The following PCDHGA9 variants were observed in gnomAD, a reference collection of about 807,000 sequenced individuals.
PCDHGA9 encodes protocadherin gamma-A9.
Under a neutral mutation model 62.5 loss-of-function variants are expected in PCDHGA9, and 37 were observed. The observed-to-expected ratio is 0.59, with a 90% CI of 0.46 to 0.78. The LOEUF is 0.78. PCDHGA9 is among the 30% of genes least tolerant of loss of function. The probability of loss-of-function intolerance (pLI) is 0.00; values close to 1 mark genes in which losing one functional copy is unlikely to be tolerated. For synonymous variants in PCDHGA9, 459 were observed against 484.6 expected (o/e 0.95, Z 0.69); for missense variants, 1,138 against 1,166.2 (o/e 0.98, Z 0.35).
At chr5:141,495,960 C>G (rs1380397345) in intron 2 of PCDHGA9, among the ~76,000 whole-genome samples, 2 of 151,998 alleles carry the variant, frequency 1.3e-5, no homozygotes, top group East Asian at 3.9e-4. Context: ...CTTTTTCTGC[C>G]TCTTTCTCTG....
chr5:141,411,538 C>G (rs1418802121), intron 1 of PCDHGA9: 1 of 152,268 alleles, frequency 6.6e-6, no homozygotes, highest in Non-Finnish European at 1.5e-5. Context: ...GAGCCCTGAT[C>G]TTGCCACTGC....
Position 141,432,880 on chromosome 5 carries a change from C to T in PCDHGA9, c.2424+27504C>T, listed in dbSNP as rs865848752. ...CGGTCTCCTGCGTCTTCCTGGCCTT[C>T]GTCATCTTGCTGCTGGCGCTCAGGC... On this transcript the variant is annotated intron_variant, in intron 1 of 3. Transcript: ENST00000573521. The surrounding 1 kb of genome is among the most constrained non-coding windows in gnomAD (Gnocchi z 6.0). 1 of 1,614,194 alleles carries T rather than the reference C, an allele frequency of 6.2e-7. No individual in the cohort carries two copies. Among genetic ancestry groups the T allele is most frequent in the Non-Finnish European group, 8.5e-7 (1 of 1,180,008 alleles).
intron 1 of PCDHGA9, chr5:141,440,995 C>G (rs1425894086): frequency 6.6e-6 from 1 of 152,154 alleles, no homozygotes; most frequent in Non-Finnish European, 1.5e-5. Context: ...GTACCCATAT[C>G]TAGTTTGGCC....
intron 1 of PCDHGA9, among the ~76,000 whole-genome samples, chr5:141,469,684 T>C (rs1471928749): frequency 6.6e-6 from 1 of 152,256 alleles, no homozygotes; most frequent in Non-Finnish European, 1.5e-5. Flanking sequence ...ACATATGCAT[T>C]GGTCCTATGA....
rs760617436 is a variant in PCDHGA9 at position 141,410,113 on chromosome 5, A to T, written c.2424+4737A>T. On this transcript the variant is annotated intron_variant, in intron 1 of 3. Transcript: ENST00000573521. The stretch of plus-strand genomic sequence containing the variant: ...CTCGAGCCTTAGGCGACAGGGACGC[A>T]GCCCGCCAGCGCCTGCTGGTCGCTG... 5 of 1,612,436 alleles carry T rather than the reference A, an allele frequency of 3.1e-6. No individual in the cohort carries two copies. The African/African-American group carries it at 6.7e-5, about 22-fold the overall frequency.
intron 2 of PCDHGA9, among the ~76,000 whole-genome samples, chr5:141,498,848 G>T (rs930895553): frequency 6.6e-6 from 1 of 151,908 alleles, no homozygotes; most frequent in African/African-American, 2.4e-5. Context: ...CAGGGGAATC[G>T]CTTGAACCCA....
Position 141,427,844 on chromosome 5 carries a change from C to A in PCDHGA9, c.2424+22468C>A, listed in dbSNP as rs997069058. 6.5e-6 allele frequency: 10 copies of A among 1,550,194 alleles called. No homozygotes were observed. In the East Asian group the frequency reaches 2.2e-4, roughly 35 times the overall value. On this transcript the variant is annotated intron_variant, in intron 1 of 3. Transcript: ENST00000573521. ...TGGTCGCGCAGCGTGCCTTCGACCA[C>A]GAGCAGCTGTGCGCCTTCGAGCTCA...
At chr5:141,478,733 T>C (rs1562072874) in intron 1 of PCDHGA9, 8 of 1,537,128 alleles carry the variant, frequency 5.2e-6, no homozygotes, top group Non-Finnish European at 7.0e-6. Context: ...AGAGTGTGGT[T>C]TGTGGTCCCA....
Position 141,477,782 on chromosome 5 carries a change from T to G in PCDHGA9, c.2425-17025T>G, listed in dbSNP as rs763675478. 1.2e-5 allele frequency: 20 copies of G among 1,613,902 alleles called. No individual in the cohort carries two copies. Among genetic ancestry groups the G allele is most frequent in the Non-Finnish European group, 1.7e-5 (20 of 1,180,042 alleles). ...AGCCACCAACATCAGCGTGAACATA[T>G]TTGTCACTGATCGCAATGACAATGC... On this transcript the variant is annotated intron_variant, in intron 1 of 3. Coordinates refer to ENST00000573521, the MANE Select transcript of PCDHGA9 (RefSeq NM_018921.3). The surrounding 1 kb of genome is among the most constrained non-coding windows in gnomAD (Gnocchi z 4.9).
In PCDHGA9 at chr5:141,487,265, G is replaced by A; in HGVS notation, c.2425-7542G>A. 2 of 1,614,158 alleles carry A rather than the reference G, an allele frequency of 1.2e-6. 1 individual carries two copies. Among genetic ancestry groups the A allele is most frequent in the South Asian group, 2.2e-5 (2 of 91,084 alleles). On this transcript the variant is annotated intron_variant, in intron 1 of 3. Transcript: ENST00000573521. The surrounding 1 kb of genome is among the most constrained non-coding windows in gnomAD (Gnocchi z 5.0). Reference sequence around the variant, plus strand: ...AACCCTCTACTTGGCTGTGTCCCTAGTGGCAATTTGCTTTGTCTCCTTTGG... The same window carrying A: ...AACCCTCTACTTGGCTGTGTCCCTAATGGCAATTTGCTTTGTCTCCTTTGG...
intron 1 of PCDHGA9, chr5:141,410,123 C>A: frequency 1.2e-6 from 2 of 1,612,780 alleles, no homozygotes; most frequent in Non-Finnish European, 1.7e-6. Flanking sequence ...AGCCCGCCAG[C>A]GCCTGCTGGT....
At chr5:141,484,499 A>G (rs567556335) in intron 1 of PCDHGA9, among the ~76,000 whole-genome samples, 20 of 152,344 alleles carry the variant, frequency 1.3e-4, no homozygotes, top group African/African-American at 4.6e-4. Flanking sequence ...CCGTTTCTGA[A>G]TATTCTGCAG....
rs115565444 is a variant in PCDHGA9 at position 141,487,520 on chromosome 5, G to C, written c.2425-7287G>C. 1 of 1,614,166 alleles carries C rather than the reference G, an allele frequency of 6.2e-7. No individual in the cohort carries two copies. Among genetic ancestry groups the C allele is most frequent in the Non-Finnish European group, 8.5e-7 (1 of 1,180,042 alleles). ...CTTGGCTTCTGCACCCACTCGGAGT[G>C]ATAGCTTCATGATGGTGAAGTCACC... On this transcript the variant is annotated intron_variant, in intron 1 of 3. Coordinates refer to ENST00000573521, the MANE Select transcript of PCDHGA9 (RefSeq NM_018921.3). The surrounding 1 kb of genome is among the most constrained non-coding windows in gnomAD (Gnocchi z 5.0).
At chr5:141,405,420 T>A in intron 1 of PCDHGA9, 44 bp downstream of exon 1, 1 of 1,509,592 alleles carries the variant, frequency 6.6e-7, no homozygotes, top group Non-Finnish European at 9.0e-7. Flanking sequence ...TTTTTGTTTT[T>A]TGTTTTGTTT....
At position 141,404,970 on chromosome 5, in the gene PCDHGA9, C is replaced by G; in HGVS notation, c.2018C>G (p.Ala673Gly). 1 of 1,614,058 alleles carries G rather than the reference C, an allele frequency of 6.2e-7. No homozygotes were observed. The highest frequency in any genetic ancestry group is 2.2e-5 in the East Asian group (1 of 44,886). The change falls in exon 1 of 4, where the codon GCT becomes GGT. Residue 673 changes from alanine to glycine, a missense_variant. By Grantham distance (60) the Ala-to-Gly change is moderately conservative. Transcript: ENST00000573521. ...AIADSIPDIL[A>G]DLGSLQIPAD... ...GCTGACAGCATCCCAGACATCCTGG[C>G]TGACCTGGGCAGTCTTCAGATCCCT...
intron 1 of PCDHGA9, chr5:141,419,411 C>A (rs757881409): frequency 1.9e-6 from 3 of 1,613,462 alleles, no homozygotes; most frequent in Non-Finnish European, 2.5e-6. Context: ...GTTCGCGCAG[C>A]GCGCCTTCGA....
At chr5:141,446,169 C>A (rs920519501) in intron 1 of PCDHGA9, among the ~76,000 whole-genome samples, 1 of 152,014 alleles carries the variant, frequency 6.6e-6, no homozygotes, top group African/African-American at 2.4e-5. Flanking sequence ...TTCATGAGGG[C>A]AGGGGGTGTT....
chr5:141,429,896 A>G (rs1307950556), intron 1 of PCDHGA9, among the ~76,000 whole-genome samples: 1 of 152,346 alleles, frequency 6.6e-6, no homozygotes, highest in South Asian at 2.1e-4. Flanking sequence ...TGAACAATAA[A>G]TATTTTTGAA....
chr5:141,506,742 A>G (rs1475692668), intron 3 of PCDHGA9, among the ~76,000 whole-genome samples: 5 of 152,172 alleles, frequency 3.3e-5, no homozygotes, highest in Non-Finnish European at 7.3e-5. Context: ...AATGCCTATT[A>G]ATAAAGACTA....
Sources: allele counts gnomAD v4.1 joint callset (sites outside exome capture counted in the v4.1 genomes callset), GRCh38; gene constraint gnomAD v4.1.1; non-coding constraint Gnocchi (gnomAD v3.1); transcripts MANE v1.5; gene names NCBI Gene and HGNC (gene_info 2026-07-23, HGNC 2026-07-21).